Variants in TMEM65 observed in about 807,000 individuals in gnomAD.
TMEM65 encodes the protein transmembrane protein 65.
Under a neutral mutation model 25.4 loss-of-function variants are expected in TMEM65, and 22 were observed. The observed-to-expected ratio is 0.86, with a 90% confidence interval of 0.62 to 1.23. TMEM65 has a LOEUF of 1.23. TMEM65 is among the 50% of genes most tolerant of loss of function. The pLI is 0.00. For missense variants in TMEM65, 262 were observed against 308.2 expected (o/e 0.85, Z 1.12); for synonymous variants, 132 against 126.2 (o/e 1.05, Z -0.31).
At chr8:124,343,865 T>C (rs1486824570) in intron 1 of TMEM65, among the ~76,000 whole-genome samples, 1 of 152,202 alleles carries the variant, frequency 6.6e-6, no homozygotes, top group Non-Finnish European at 1.5e-5. Flanking sequence ...GTCATGTTAC[T>C]AACAGTAGGC....
At chr8:124,369,404 C>G (rs1252329370) in intron 1 of TMEM65, among the ~76,000 whole-genome samples, 2 of 152,178 alleles carry the variant, frequency 1.3e-5, no homozygotes, top group Non-Finnish European at 1.5e-5. Flanking sequence ...ACTGCCATAT[C>G]AAAGCATGGA....
intron 1 of TMEM65, among the ~76,000 whole-genome samples, chr8:124,339,061 C>T (rs1345224224): frequency 1.3e-5 from 2 of 150,544 alleles, no homozygotes; most frequent in Non-Finnish European, 1.5e-5. Flanking sequence ...TGGTGGCAGG[C>T]GCCTGTAGTC....
chr8:124,366,741 T>TGATTACTC (rs1038622112), intron 1 of TMEM65, among the ~76,000 whole-genome samples: 12 of 151,954 alleles, frequency 7.9e-5, no homozygotes, highest in African/African-American at 2.7e-4. Flanking sequence ...CTTGATTACT[T>TGATTACTC]GATTATCTGT....
intron 1 of TMEM65, among the ~76,000 whole-genome samples, chr8:124,367,206 G>A (rs1189054240): frequency 2.6e-5 from 4 of 152,166 alleles, no homozygotes; most frequent in African/African-American, 4.8e-5. Context: ...TAGGCACGGT[G>A]CTCACAGCTG....
intron 1 of TMEM65, among the ~76,000 whole-genome samples, chr8:124,339,148 C>T (rs1814549698): frequency 7.3e-6 from 1 of 136,126 alleles, no homozygotes; most frequent in African/African-American, 2.8e-5. Flanking sequence ...GCCCAGATCG[C>T]ACCACTGTAC....
In TMEM65 at chr8:124,332,931, G is replaced by A. The variant is rs1474352787; in HGVS notation, c.305-2139C>T. On this transcript the variant is annotated intron_variant, in intron 1 of 6. Coordinates refer to ENST00000297632, the MANE Select transcript of TMEM65 (RefSeq NM_194291.3). ...AGCGATTCTCCTGTTTCAGCCTCCC[G>A]AGTAGCTGGGACTACAGGTGTGTGC... Among the ~76,000 whole-genome samples the A allele has an allele frequency of 9.9e-5, 15 of 151,950 alleles. No homozygotes were observed. The East Asian group carries it at 1.5e-3, about 16-fold the overall frequency.
intron 6 of TMEM65, among the ~76,000 whole-genome samples, chr8:124,314,463 ATTTG>A (rs1814207658): frequency 6.6e-6 from 1 of 152,204 alleles, no homozygotes; most frequent in African/African-American, 2.4e-5. Flanking sequence ...TTCCCCAATG[ATTTG>A]TTTAAAAGTC....
At chr8:124,335,738 T>C (rs956405766) in intron 1 of TMEM65, among the ~76,000 whole-genome samples, 6 of 151,972 alleles carry the variant, frequency 3.9e-5, no homozygotes, top group African/African-American at 7.2e-5. Flanking sequence ...AAAGAGAACA[T>C]AGTTAAGAAC....
At chr8:124,341,433 G>T (rs1814582450) in intron 1 of TMEM65, among the ~76,000 whole-genome samples, 1 of 151,962 alleles carries the variant, frequency 6.6e-6, no homozygotes, top group Non-Finnish European at 1.5e-5. Flanking sequence ...TACAAAATTA[G>T]AATTTGGTTC....
Position 124,317,456 on chromosome 8 carries a change from A to G in TMEM65, c.621+2630T>C, listed in dbSNP as rs113191970. The stretch of plus-strand genomic sequence containing the variant: ...TAAAACTTCGTCCTTGATAGCTCCC[A>G]TAAGACTATGAGCTCTTAGGTATTT... On this transcript the variant is annotated intron_variant, in intron 6 of 6. Coordinates refer to ENST00000297632, the MANE Select transcript of TMEM65 (RefSeq NM_194291.3). Among the ~76,000 whole-genome samples the G allele has an allele frequency of 6.1e-3, 931 of 152,304 alleles. 13 individuals are homozygous for G. The highest frequency in any genetic ancestry group is 0.022 in the African/African-American group (903 of 41,564).
chr8:124,340,679 CA>C (rs35238088), intron 1 of TMEM65, among the ~76,000 whole-genome samples: 25,313 of 151,996 alleles, frequency 0.17, 2,336 homozygotes, highest in South Asian at 0.28. Context: ...CTAAGCAATC[CA>C]AGCATAATTA....
At chr8:124,343,890 G>C (rs1448591994) in intron 1 of TMEM65, among the ~76,000 whole-genome samples, 1 of 152,178 alleles carries the variant, frequency 6.6e-6, no homozygotes, top group East Asian at 1.9e-4. Context: ...CCTATAGTGA[G>C]GGTTTTGCAG....
chr8:124,346,221 C>T (rs1318036957), intron 1 of TMEM65, among the ~76,000 whole-genome samples: 4 of 152,160 alleles, frequency 2.6e-5, no homozygotes, highest in Non-Finnish European at 5.9e-5. Flanking sequence ...AGAACTTCCT[C>T]CCTATCATGA....
At position 124,330,779 on chromosome 8, in the gene TMEM65, A is replaced by T; in HGVS notation, c.318T>A (p.Ala106=). 1 of 1,579,568 alleles carries T rather than the reference A, an allele frequency of 6.3e-7. No homozygotes were observed. Among genetic ancestry groups the T allele is most frequent in the Non-Finnish European group, 8.6e-7 (1 of 1,166,976 alleles). ...SIAIAQEKLE[A]PPPTPGQLRY... ...TCAGCTGTCCTGGGGTGGGTGGTGG[A>T]GCTTCCAATTTTTCTAAAGGGGAGA... Residue 106 remains alanine (A), a synonymous_variant, in exon 2 of 7, where the codon GCT becomes GCA. Transcript: ENST00000297632.
At chr8:124,344,502 A>G (rs1297551164) in intron 1 of TMEM65, among the ~76,000 whole-genome samples, 2 of 152,222 alleles carry the variant, frequency 1.3e-5, no homozygotes, top group Non-Finnish European at 2.9e-5. Context: ...AAACTGTTTC[A>G]GACAGCATCA....
At chr8:124,367,131 G>C (rs891298011) in intron 1 of TMEM65, among the ~76,000 whole-genome samples, 1 of 151,956 alleles carries the variant, frequency 6.6e-6, no homozygotes, top group African/African-American at 2.4e-5. Context: ...TTTCTTATTG[G>C]ACAAAAGCAA....
intron 1 of TMEM65, among the ~76,000 whole-genome samples, chr8:124,338,203 A>G (rs1814535769): frequency 6.6e-6 from 1 of 152,100 alleles, no homozygotes; most frequent in South Asian, 2.1e-4. Flanking sequence ...TTTTTAAGAA[A>G]ATAATTTTAT....
At chr8:124,323,240 A>T (rs1233624882) in intron 4 of TMEM65, 81 bp downstream of exon 4, 13 of 760,912 alleles carry the variant, frequency 1.7e-5, no homozygotes, top group Non-Finnish European at 2.3e-5. Context: ...CATTCAAATA[A>T]ATTACCCTCC....
chr8:124,367,000 C>A (rs1814947196), intron 1 of TMEM65, among the ~76,000 whole-genome samples: 2 of 152,210 alleles, frequency 1.3e-5, no homozygotes, highest in Admixed American at 6.5e-5. Flanking sequence ...TGTTCTTCCC[C>A]TCTTGCCGGG....
Sources: gnomAD v4.1 joint callset for allele counts (sites outside exome capture counted in the v4.1 genomes callset) on GRCh38, gnomAD v4.1.1 for gene constraint, MANE v1.5 for transcripts, NCBI Gene and HGNC (gene_info 2026-07-23, HGNC 2026-07-21) for gene names.